The following LRBA variants were observed in gnomAD, a reference collection of about 807,000 sequenced individuals.
LRBA encodes the protein lipopolysaccharide-responsive and beige-like anchor protein.
Under a neutral mutation model 330.0 loss-of-function variants are expected in LRBA, and 176 were observed. That is an observed-to-expected ratio of 0.53 (90% confidence interval 0.47 to 0.60). The LOEUF (loss-of-function observed/expected upper bound fraction) is 0.60, where lower values mean the gene tolerates loss of function less well. Among genes scored for constraint, LRBA ranks in the 20% least tolerant of loss-of-function variants. The pLI, the probability that LRBA is intolerant of heterozygous loss-of-function variation, is 0.00. For missense variants in LRBA, 3,259 were observed against 3,444.8 expected (o/e 0.95, Z 1.35); for synonymous variants, 1,230 against 1,193.0 (o/e 1.03, Z -0.64).
chr4:150,575,038 A>C (rs1174077603), intron 40 of LRBA, among the ~76,000 whole-genome samples: 2 of 152,008 alleles, frequency 1.3e-5, no homozygotes, highest in African/African-American at 4.8e-5. Context: ...CAAATCAGTC[A>C]GAAAATAAGA....
At chr4:150,266,895 G>C (rs567891589) in intron 56 of LRBA, among the ~76,000 whole-genome samples, 1 of 152,266 alleles carries the variant, frequency 6.6e-6, no homozygotes, top group East Asian at 1.9e-4. Flanking sequence ...TACTAGCAAA[G>C]AGAGCTGAGG....
intron 28 of LRBA, among the ~76,000 whole-genome samples, chr4:150,836,976 G>T (rs1242571937): frequency 3.9e-5 from 6 of 152,174 alleles, no homozygotes; most frequent in Non-Finnish European, 7.3e-5. Context: ...ATGTGTCCCA[G>T]AGATTCTGGT....
chr4:150,438,513 T>A (rs965571338), intron 44 of LRBA, among the ~76,000 whole-genome samples: 6 of 152,032 alleles, frequency 3.9e-5, no homozygotes, highest in Non-Finnish European at 5.9e-5. Context: ...AAATAAAAAA[T>A]TCTTTATTTA....
intron 40 of LRBA, among the ~76,000 whole-genome samples, chr4:150,578,834 T>C (rs979305067): frequency 1.3e-5 from 2 of 152,230 alleles, no homozygotes; most frequent in Admixed American, 1.3e-4. Flanking sequence ...ACCCTGAATG[T>C]CCTCCTTCCC....
intron 2 of LRBA, among the ~76,000 whole-genome samples, chr4:150,964,226 G>A (rs1162818303): frequency 6.9e-6 from 1 of 145,952 alleles, no homozygotes; most frequent in Non-Finnish European, 1.5e-5. Context: ...CTGCCCGGCC[G>A]CCACCCTGTC....
intron 2 of LRBA, chr4:150,970,560 C>CGTGT (rs1561074259): frequency 0.01 from 220 of 21,786 alleles, no homozygotes; most frequent in African/African-American, 0.014. Context: ...TGTGTGTACA[C>CGTGT]ACACACACAC....
chr4:150,445,733 T>C (rs1217499483), intron 44 of LRBA, among the ~76,000 whole-genome samples: 2 of 152,114 alleles, frequency 1.3e-5, no homozygotes, highest in African/African-American at 4.8e-5. Flanking sequence ...GATACAGCCA[T>C]AGCTCACTGC....
chr4:150,863,734 C>T (rs186669017), intron 22 of LRBA, among the ~76,000 whole-genome samples: 1 of 152,272 alleles, frequency 6.6e-6, no homozygotes, highest in Non-Finnish European at 1.5e-5. Context: ...TCTTTCATTA[C>T]TTACACAAAC....
chr4:150,767,643 G>A (rs1011692169), intron 34 of LRBA, among the ~76,000 whole-genome samples: 22 of 150,592 alleles, frequency 1.5e-4, no homozygotes, highest in Admixed American at 8.0e-4. Flanking sequence ...CTGTAGTCCC[G>A]GCTTCTCAGG....
chr4:150,838,454 A>G (rs1337175948), intron 28 of LRBA, among the ~76,000 whole-genome samples: 3 of 152,090 alleles, frequency 2.0e-5, no homozygotes, highest in Non-Finnish European at 2.9e-5. Context: ...TGGTCTTTTC[A>G]CATAGTCCCA....
At chr4:150,781,053 G>A (rs1002460541) in intron 34 of LRBA, among the ~76,000 whole-genome samples, 1 of 151,678 alleles carries the variant, frequency 6.6e-6, no homozygotes, top group Non-Finnish European at 1.5e-5. Flanking sequence ...CTAATTTTTT[G>A]TATTTTTAGT....
chr4:150,443,481 A>C (rs919258941), intron 44 of LRBA, among the ~76,000 whole-genome samples: 1 of 152,206 alleles, frequency 6.6e-6, no homozygotes, highest in Non-Finnish European at 1.5e-5. Flanking sequence ...GGATTAAAAA[A>C]TGTGGCATAT....
chr4:150,393,187 T>C (rs1744243638), intron 47 of LRBA, among the ~76,000 whole-genome samples: 1 of 152,132 alleles, frequency 6.6e-6, no homozygotes, highest in Admixed American at 6.6e-5. Context: ...TATTAGATGG[T>C]AAATACCTAC....
intron 55 of LRBA, 31 bp downstream of exon 55, chr4:150,282,419 G>A (rs373181462): frequency 1.3e-5 from 21 of 1,589,986 alleles, no homozygotes; most frequent in African/African-American, 4.1e-5. Context: ...GGTAAAAGTC[G>A]TGAATGCTGA....
At chr4:150,390,135 A>C (rs28373995) in intron 47 of LRBA, among the ~76,000 whole-genome samples, 9,006 of 152,174 alleles carry the variant, frequency 0.059, 421 homozygotes, top group East Asian at 0.17. Flanking sequence ...CACACCGATT[A>C]AATAAAGGAA....
intron 40 of LRBA, chr4:150,582,649 T>C (rs747366084): frequency 1.6e-5 from 3 of 190,164 alleles, no homozygotes; most frequent in Non-Finnish European, 3.3e-5. Context: ...TGCAGACATC[T>C]AAGCCTAACC....
At chr4:150,639,466 C>T (rs1778298906) in intron 37 of LRBA, among the ~76,000 whole-genome samples, 1 of 147,692 alleles carries the variant, frequency 6.8e-6, no homozygotes, top group Non-Finnish European at 1.5e-5. Flanking sequence ...GCACTTTCTA[C>T]CCCACCCGTG....
At position 150,928,590 on chromosome 4, in the gene LRBA, G is replaced by A. The variant is rs755311373; in HGVS notation, c.475C>T (p.Leu159=). 6.2e-7 allele frequency: 1 copy of A among 1,613,572 alleles called. No homozygotes were observed. The highest frequency in any genetic ancestry group is 1.3e-5 in the African/African-American group (1 of 74,978). ...ADLLVDMLGV[L]ASYNLTVREL... ...CGAACTGTCAAATTATAGCTAGCCAGCACTCCCAACATGTCAACCAAAAGA... is the reference window on the plus strand; with the variant it reads ...CGAACTGTCAAATTATAGCTAGCCAACACTCCCAACATGTCAACCAAAAGA... The change falls in exon 4 of 57, where the codon CTG becomes TTG. Residue 159 remains leucine, a synonymous_variant. Coordinates refer to ENST00000651943, the MANE Select transcript of LRBA (RefSeq NM_001364905.1).
intron 2 of LRBA, among the ~76,000 whole-genome samples, chr4:150,932,631 T>C (rs1221369812): frequency 1.3e-5 from 2 of 152,110 alleles, no homozygotes; most frequent in Non-Finnish European, 2.9e-5. Flanking sequence ...AAGAGCAATT[T>C]GGGGCTGGGT....
Sources: allele counts gnomAD v4.1 joint callset (sites outside exome capture counted in the v4.1 genomes callset), GRCh38; gene constraint gnomAD v4.1.1; transcripts MANE v1.5; gene names NCBI Gene and HGNC (gene_info 2026-07-23, HGNC 2026-07-21).